The following SLC44A5 variants were observed in gnomAD, a reference collection of about 807,000 sequenced individuals.
The protein encoded by SLC44A5 is choline transporter-like protein 5.
Under a neutral mutation model 101.8 loss-of-function variants are expected in SLC44A5, and 57 were observed. The ratio of observed to expected loss-of-function variants is 0.56; its 90% CI spans 0.45 to 0.70. The LOEUF (loss-of-function observed/expected upper bound fraction) is 0.70. Ranked by LOEUF, SLC44A5 falls within the 30% of genes least tolerant of loss-of-function variation. The pLI, the probability that SLC44A5 is intolerant of heterozygous loss-of-function variation, is 0.00. For synonymous variants in SLC44A5, 281 were observed against 290.9 expected (o/e 0.97, Z 0.35); for missense variants, 737 against 853.1 (o/e 0.86, Z 1.70).
At chr1:75,296,589 T>A (rs898161781) in intron 5 of SLC44A5, among the ~76,000 whole-genome samples, 4 of 152,006 alleles carry the variant, frequency 2.6e-5, no homozygotes, top group African/African-American at 9.7e-5. Flanking sequence ...ATTTCCTGCA[T>A]CCCTCATTAC....
chr1:75,261,961 T>C (rs1650549180), intron 6 of SLC44A5, among the ~76,000 whole-genome samples: 1 of 152,020 alleles, frequency 6.6e-6, no homozygotes, highest in South Asian at 2.1e-4. Flanking sequence ...TGCTAAAAAT[T>C]CTCTTTAAAC....
chr1:75,256,842 C>A (rs604745), intron 6 of SLC44A5, among the ~76,000 whole-genome samples: 120,030 of 152,072 alleles, frequency 0.79, 47,641 homozygotes, highest in East Asian at 0.95. Flanking sequence ...AACCACAAGG[C>A]AATCCAAAAG....
chr1:75,607,464 A>G (rs964408096), intron 1 of SLC44A5, among the ~76,000 whole-genome samples: 2 of 152,054 alleles, frequency 1.3e-5, no homozygotes, highest in Non-Finnish European at 2.9e-5. Flanking sequence ...TAAAGACTGT[A>G]TGTATTCAAA....
At chr1:75,560,625 T>C (rs1672467494) in intron 1 of SLC44A5, among the ~76,000 whole-genome samples, 1 of 152,180 alleles carries the variant, frequency 6.6e-6, no homozygotes, top group South Asian at 2.1e-4. Context: ...AAGTACACTT[T>C]AAAAATTGCC....
At chr1:75,355,019 T>A (rs903569116) in intron 3 of SLC44A5, among the ~76,000 whole-genome samples, 1 of 152,210 alleles carries the variant, frequency 6.6e-6, no homozygotes, top group African/African-American at 2.4e-5. Flanking sequence ...CGATGTCCAC[T>A]TTCCCACCAC....
intron 1 of SLC44A5, among the ~76,000 whole-genome samples, chr1:75,571,004 C>T (rs1673045411): frequency 1.3e-5 from 2 of 151,944 alleles, no homozygotes; most frequent in African/African-American, 2.4e-5. Flanking sequence ...GATGGACAGC[C>T]CACCCAAATC....
At chr1:75,722,876 T>C in the SLC44A5 span, among the ~76,000 whole-genome samples, 2 of 152,244 alleles carry the variant, frequency 1.3e-5, no homozygotes, top group Admixed American at 1.3e-4. Context: ...CTTTGATATC[T>C]GTTGGCCGTA....
the SLC44A5 span, among the ~76,000 whole-genome samples, chr1:75,641,113 C>T: frequency 1.4e-4 from 21 of 152,166 alleles, no homozygotes; most frequent in Middle Eastern, 3.4e-3. Flanking sequence ...AGAGTTCTTT[C>T]CTTGCCCAGA....
chr1:75,289,682 C>T (rs1400727563), intron 5 of SLC44A5, among the ~76,000 whole-genome samples: 1 of 152,136 alleles, frequency 6.6e-6, no homozygotes, highest in Non-Finnish European at 1.5e-5. Flanking sequence ...TGGAAAGGTA[C>T]CTTTGATCAA....
Position 75,293,444 on chromosome 1 carries a change from G to C in SLC44A5, c.175+7168C>G, listed in dbSNP as rs534241117. Among the ~76,000 whole-genome samples the C allele has an allele frequency of 3.3e-5, 5 of 152,258 alleles. No individual in the cohort carries two copies. The South Asian group carries it at 1.0e-3, about 32-fold the overall frequency. On this transcript the variant is annotated intron_variant, in intron 5 of 23. Transcript: ENST00000370859. ...GGGAGGCATTCCCTAAACACTTGCT[G>C]GTTGGGAATGTTGGCTTTCGAATCA...
intron 1 of SLC44A5, among the ~76,000 whole-genome samples, chr1:75,558,684 G>A (rs944786303): frequency 3.3e-5 from 5 of 152,002 alleles, no homozygotes; most frequent in African/African-American, 7.2e-5. Flanking sequence ...ACAACTTTGC[G>A]ATATTTTGAT....
chr1:75,411,661 G>A (rs554425657), intron 2 of SLC44A5, among the ~76,000 whole-genome samples: 6 of 152,052 alleles, frequency 3.9e-5, no homozygotes, highest in African/African-American at 1.4e-4. Flanking sequence ...GATCCTCAAT[G>A]AAAAATAAAC....
At chr1:75,647,018 T>C in the SLC44A5 span, among the ~76,000 whole-genome samples, 1 of 152,134 alleles carries the variant, frequency 6.6e-6, no homozygotes, top group Admixed American at 6.5e-5. Flanking sequence ...ATCCCCCAGA[T>C]AATGGGGAAA....
At chr1:75,558,069 G>T (rs1039082379) in intron 1 of SLC44A5, among the ~76,000 whole-genome samples, 4 of 152,086 alleles carry the variant, frequency 2.6e-5, no homozygotes, top group Admixed American at 2.6e-4. Context: ...ACAATCTAAT[G>T]ATGACAATTT....
rs1286291887 is a variant in SLC44A5, at chr1:75,327,640, C to T, written c.101+11942G>A. Among the ~76,000 whole-genome samples, 5 of 152,174 alleles carry T rather than the reference C, an allele frequency of 3.3e-5. No homozygotes were observed. The East Asian group carries it at 9.6e-4, about 29-fold the overall frequency. ...GACAGGTGCATACACTATTTATATCCTAATCCCTTATTTAACCAACCCAAC... is the reference window on the plus strand; with the variant it reads ...GACAGGTGCATACACTATTTATATCTTAATCCCTTATTTAACCAACCCAAC... On this transcript the variant is annotated intron_variant, in intron 4 of 23. Transcript: ENST00000370859.
chr1:75,352,378 A>G (rs1249841), intron 3 of SLC44A5, among the ~76,000 whole-genome samples: 55,859 of 150,820 alleles, frequency 0.37, 10,608 homozygotes, highest in Middle Eastern at 0.44. Flanking sequence ...CAACAGGCCC[A>G]AGTGTGTGTT....
intron 2 of SLC44A5, among the ~76,000 whole-genome samples, chr1:75,397,274 G>C (rs1662184315): frequency 1.3e-5 from 2 of 152,118 alleles, no homozygotes; most frequent in African/African-American, 4.8e-5. Context: ...AATGCTTCAA[G>C]TGTCACATAT....
chr1:75,508,124 G>T (rs1290364893), intron 2 of SLC44A5, among the ~76,000 whole-genome samples: 1 of 152,016 alleles, frequency 6.6e-6, no homozygotes, highest in Non-Finnish European at 1.5e-5. Flanking sequence ...CAGCCATAAA[G>T]TAAGTCTCAA....
At chr1:75,605,045 G>C (rs1176138151) in intron 1 of SLC44A5, among the ~76,000 whole-genome samples, 1 of 151,992 alleles carries the variant, frequency 6.6e-6, no homozygotes, top group African/African-American at 2.4e-5. Flanking sequence ...GGAGTGGGAA[G>C]AGTGGGCATC....
Sources: allele counts gnomAD v4.1 joint callset (sites outside exome capture counted in the v4.1 genomes callset), GRCh38; gene constraint gnomAD v4.1.1; transcripts MANE v1.5; gene names NCBI Gene and HGNC (gene_info 2026-07-23, HGNC 2026-07-21).